ZBTB45: variants seen among roughly 807,000 people sequenced by gnomAD.
The protein encoded by ZBTB45 is zinc finger and BTB domain containing 45, also known as zinc finger and BTB domain-containing protein 45.
In ZBTB45, 22 loss-of-function variants were observed where a neutral mutation model predicts 28.4. The ratio of observed to expected loss-of-function variants is 0.77; its 90% confidence interval spans 0.55 to 1.10. The LOEUF is 1.10. Ranked by LOEUF, ZBTB45 falls within the 50% of genes least tolerant of loss-of-function variation. The pLI is 0.00. For missense variants in ZBTB45, 656 were observed against 750.2 expected (o/e 0.87, Z 1.47); for synonymous variants, 361 against 332.3 (o/e 1.09, Z -0.94).
rs1343095486 is a variant in ZBTB45, at chr19:58,515,131, C to T, written c.1280-821G>A. Among the ~76,000 whole-genome samples the T allele has an allele frequency of 2.0e-5, 3 of 152,044 alleles. No homozygotes were observed. The highest frequency in any genetic ancestry group is 1.3e-4 in the Admixed American group (2 of 15,270). ...CTTGAGGCCAGGAGTTCGAGACCAA[C>T]GTGGTGAAACCCCATCTCTACTAAA... On this transcript the variant is annotated intron_variant, in intron 2 of 2. Coordinates refer to ENST00000594051, the MANE Select transcript of ZBTB45 (RefSeq NM_001316979.2). This position sits in a 1 kb window ranked among gnomAD's most constrained non-coding sequence, Gnocchi z 4.7.
Position 58,515,817 on chromosome 19 carries a change from C to T in ZBTB45, c.1279+578G>A, listed in dbSNP as rs547592936. ...GCACTGCAGAGCCGCCTCCCTGACA[C>T]GGCCAAGGTCCGAGGGAACCTCCCC... On this transcript the variant is annotated intron_variant, in intron 2 of 2. Coordinates refer to ENST00000594051, the MANE Select transcript of ZBTB45 (RefSeq NM_001316979.2). This position sits in a 1 kb window ranked among gnomAD's most constrained non-coding sequence, Gnocchi z 4.7. 9.2e-5 allele frequency among the ~76,000 whole-genome samples: 14 copies of T among 152,306 alleles called. No individual in the cohort carries two copies. The East Asian group carries it at 1.2e-3, about 13-fold the overall frequency.
chr19:58,525,199 C>A (rs558483792), intron 1 of ZBTB45, among the ~76,000 whole-genome samples: 1 of 152,282 alleles, frequency 6.6e-6, no homozygotes, highest in South Asian at 2.1e-4. Flanking sequence ...CAGGCTCCCC[C>A]TCTTTGGCAG....
At chr19:58,534,975 C>G (rs767768868) in intron 1 of ZBTB45, among the ~76,000 whole-genome samples, 1 of 152,018 alleles carries the variant, frequency 6.6e-6, no homozygotes, top group Non-Finnish European at 1.5e-5. Flanking sequence ...CATGCCTCAG[C>G]CTCCCAAGAA....
intron 1 of ZBTB45, 91 bp from the exon 2 acceptor site, chr19:58,517,764 A>G: frequency 1.6e-6 from 2 of 1,262,482 alleles, no homozygotes; most frequent in South Asian, 2.8e-5. Context: ...GTTGCAGGAC[A>G]GGGCTCGAGT....
Position 58,513,730 on chromosome 19 carries a change from G to A in ZBTB45, c.*324C>T, listed in dbSNP as rs970786975. ...CCCAGCCCCCACCACCACCCCAGGA[G>A]AGGGCGGGGTGAGAACCGGAGTCAA... On this transcript the variant is annotated 3_prime_UTR_variant, in exon 3 of 3. Transcript: ENST00000594051. 4.0e-5 allele frequency: 11 copies of A among 275,946 alleles called. No individual in the cohort carries two copies. Among genetic ancestry groups the A allele is most frequent in the Non-Finnish European group, 7.4e-5 (11 of 148,532 alleles). The allele number at this position is 275,946 out of a possible 1,614,324, so 17.1% of individuals were successfully genotyped here.
At chr19:58,536,454 A>G (rs2053660685) in intron 1 of ZBTB45, among the ~76,000 whole-genome samples, 1 of 145,686 alleles carries the variant, frequency 6.9e-6, no homozygotes, top group Non-Finnish European at 1.5e-5. Flanking sequence ...CGACAGAGGG[A>G]GACGCCGTCT....
At chr19:58,522,354 G>A (rs1450190433), upstream of ZBTB45, among the ~76,000 whole-genome samples, 4 of 150,408 alleles carry the variant, frequency 2.7e-5, no homozygotes, top group Admixed American at 2.0e-4. Context: ...TAGAGACGGT[G>A]TTTCACCATG....
intron 1 of ZBTB45, among the ~76,000 whole-genome samples, chr19:58,528,929 G>C (rs1278806890): frequency 1.4e-5 from 2 of 146,070 alleles, no homozygotes; most frequent in African/African-American, 5.1e-5. Flanking sequence ...ATTTTAAAAA[G>C]AAAAATTAGC....
At chr19:58,517,748 C>T (rs2053531442) in intron 1 of ZBTB45, 75 bp from the exon 2 acceptor site, 3 of 1,406,882 alleles carry the variant, frequency 2.1e-6, no homozygotes, top group Non-Finnish European at 2.9e-6. Context: ...TGTCCCCTCA[C>T]CCCTTGTTGC....
At chr19:58,520,779 G>A (rs911674334), upstream of ZBTB45, among the ~76,000 whole-genome samples, 1 of 152,134 alleles carries the variant, frequency 6.6e-6, no homozygotes, top group African/African-American at 2.4e-5. Context: ...CTCATGGCCC[G>A]GCGCAGTGGC....
chr19:58,521,259 C>T (rs1302122135), upstream of ZBTB45, among the ~76,000 whole-genome samples: 62 of 148,496 alleles, frequency 4.2e-4, no homozygotes, highest in African/African-American at 1.5e-3. Context: ...CCCAGCTACT[C>T]AGGAGGCTGA....
chr19:58,537,118 G>C (rs147157329), intron 1 of ZBTB45, among the ~76,000 whole-genome samples: 1 of 152,116 alleles, frequency 6.6e-6, no homozygotes, highest in Non-Finnish European at 1.5e-5. Flanking sequence ...CCCTGGCTTG[G>C]CCAATCCTAG....
intron 1 of ZBTB45, among the ~76,000 whole-genome samples, chr19:58,529,411 C>T (rs1018345050): frequency 2.6e-5 from 4 of 152,188 alleles, no homozygotes; most frequent in Non-Finnish European, 1.5e-5. Context: ...GAGCAAGACC[C>T]TATCTCAATA....
upstream of ZBTB45, among the ~76,000 whole-genome samples, chr19:58,523,060 A>C (rs372276874): frequency 3.3e-5 from 5 of 152,168 alleles, no homozygotes; most frequent in South Asian, 8.3e-4. Flanking sequence ...GCTTTAGAGA[A>C]AGTCTCAGCT....
chr19:58,514,478 G>C (rs974206863), intron 2 of ZBTB45, among the ~76,000 whole-genome samples, 168 bp from the exon 3 acceptor site: 2 of 151,402 alleles, frequency 1.3e-5, no homozygotes, highest in African/African-American at 4.9e-5. Context: ...CTCACTATGG[G>C]ATCTTCCTGC....
intron 1 of ZBTB45, among the ~76,000 whole-genome samples, chr19:58,518,859 G>A (rs1016769653): frequency 6.6e-6 from 1 of 152,244 alleles, no homozygotes; most frequent in Admixed American, 6.5e-5. Context: ...AAGCCCCAGG[G>A]TGGGCTCGGC....
At chr19:58,524,435 ATGTGTGTG>A (rs56704623), upstream of ZBTB45, among the ~76,000 whole-genome samples, 2,480 of 138,330 alleles carry the variant, frequency 0.018, 66 homozygotes, top group African/African-American at 0.063. Context: ...GTGTTCATAT[ATGTGTGTG>A]TGTGTGTGTG....
chr19:58,517,097 G>C lies in ZBTB45; in HGVS notation c.577C>G (p.Pro193Ala). ...APPTPAKAEG[P>A]DADPSLSAAP... ...GCGGACAGTGAGGGGTCAGCATCAG[G>C]CCCCTCAGCCTTGGCAGGTGTTGGG... Residue 193 changes from proline to alanine, a missense_variant, in exon 2 of 3, where the codon CCT (proline) becomes GCT (alanine). Pro to Ala is a conservative substitution (Grantham distance 27, BLOSUM62 -1). Coordinates refer to ENST00000594051, the MANE Select transcript of ZBTB45 (RefSeq NM_001316979.2). 6.2e-7 allele frequency: 1 copy of C among 1,613,078 alleles called. No individual in the cohort carries two copies. Among genetic ancestry groups the C allele is most frequent in the Non-Finnish European group, 8.5e-7 (1 of 1,179,928 alleles).
At chr19:58,520,686 G>C (rs1271946236), upstream of ZBTB45, among the ~76,000 whole-genome samples, 1 of 152,102 alleles carries the variant, frequency 6.6e-6, no homozygotes, top group African/African-American at 2.4e-5. Context: ...AGGTAGAGAG[G>C]TCCATGAGAG....
Sources: gnomAD v4.1 joint callset for allele counts (sites outside exome capture counted in the v4.1 genomes callset) on GRCh38, gnomAD v4.1.1 for gene constraint, Gnocchi (gnomAD v3.1) non-coding constraint, MANE v1.5 for transcripts, NCBI Gene and HGNC (gene_info 2026-07-23, HGNC 2026-07-21) for gene names.